The following ATG13 variants were observed in gnomAD, a reference collection of about 807,000 sequenced individuals.
ATG13 encodes the protein autophagy-related protein 13.
In ATG13, 23 loss-of-function variants were observed where a neutral mutation model predicts 65.5. The observed-to-expected ratio is 0.35, with a 90% CI of 0.25 to 0.50. The LOEUF (loss-of-function observed/expected upper bound fraction) is 0.50, where lower values mean the gene tolerates loss of function less well. Among genes scored for constraint, ATG13 ranks in the 20% least tolerant of loss-of-function variants. The probability of loss-of-function intolerance (pLI) is 0.98; values close to 1 mark genes in which losing one functional copy is unlikely to be tolerated. For missense variants in ATG13, 566 were observed against 677.0 expected, an observed-to-expected ratio of 0.84 and a Z score of 1.82; for synonymous variants, 252 against 245.2, an observed-to-expected ratio of 1.03 and a Z score of -0.26.
At chr11:46,657,043 G>C in intron 8 of ATG13, 52 bp from the exon 9 acceptor site, 1 of 1,425,138 alleles carries the variant, frequency 7.0e-7, no homozygotes, top group Non-Finnish European at 9.9e-7. Context: ...CGGTCTGGGG[G>C]CAGTGTCAGT....
chr11:46,646,070 A>G (rs890582829), intron 5 of ATG13, 81 bp downstream of exon 5: 51 of 1,544,198 alleles, frequency 3.3e-5, no homozygotes, highest in Non-Finnish European at 4.4e-5. Flanking sequence ...TCTCAGTCTT[A>G]TTCCTGCCCC....
intron 2 of ATG13, among the ~76,000 whole-genome samples, chr11:46,637,498 G>A (rs141529677): frequency 2.0e-5 from 3 of 152,100 alleles, no homozygotes; most frequent in East Asian, 1.9e-4. Flanking sequence ...CAAGCCTCCC[G>A]AGCAGCTGGG....
At chr11:46,646,527 G>A (rs985582103) in intron 5 of ATG13, among the ~76,000 whole-genome samples, 20 of 151,078 alleles carry the variant, frequency 1.3e-4, no homozygotes, top group African/African-American at 4.9e-4. Context: ...ACAGTGGCAC[G>A]ATCTTGACTC....
chr11:46,627,250 G>T (rs1467363037), intron 1 of ATG13, among the ~76,000 whole-genome samples: 1 of 152,060 alleles, frequency 6.6e-6, no homozygotes, highest in Non-Finnish European at 1.5e-5. Context: ...ATGATGGCAG[G>T]TGCCTGTAAT....
At chr11:46,658,753 C>T (rs772229193) in intron 10 of ATG13, among the ~76,000 whole-genome samples, 48 of 152,048 alleles carry the variant, frequency 3.2e-4, no homozygotes, top group Admixed American at 6.6e-5. Context: ...TCAGGCTGGT[C>T]TCAAGCTCCT....
chr11:46,671,506 G>C (rs972447844), intron 18 of ATG13, among the ~76,000 whole-genome samples: 7 of 152,186 alleles, frequency 4.6e-5, no homozygotes, highest in Non-Finnish European at 1.0e-4. Flanking sequence ...GGGAGGCCGA[G>C]GCGGGTGGAT....
chr11:46,659,374 TCTTTCTTTTCA>T lies in ATG13; in HGVS notation c.696-13_696-3del. ...TGCCACCACCATAAAATTCATTATT[TCTTTCTTTTCA>T]CTTTAGAACTGCTGGTGAGGACACT... On this transcript the variant is annotated splice_polypyrimidine_tract_variant and splice_region_variant and intron_variant, in intron 10 of 18. Coordinates refer to ENST00000683050, the MANE Select transcript of ATG13 (RefSeq NM_001346311.2). 1 of 1,590,204 alleles carries T rather than the reference TCTTTCTTTTCA, an allele frequency of 6.3e-7. No individual in the cohort carries two copies. Among genetic ancestry groups the T allele is most frequent in the East Asian group, 2.2e-5 (1 of 44,728 alleles).
chr11:46,647,680 T>C (rs1360775459), intron 5 of ATG13, among the ~76,000 whole-genome samples: 2 of 150,874 alleles, frequency 1.3e-5, no homozygotes, highest in African/African-American at 4.9e-5. Context: ...CAGGGGATCC[T>C]CCCACCTCAG....
rs1215268088 is a variant in ATG13, at chr11:46,617,776, G to C, written c.-184G>C. 6 of 398,914 alleles carry C rather than the reference G, an allele frequency of 1.5e-5. No homozygotes were observed. Among genetic ancestry groups the C allele is most frequent in the Admixed American group, 1.3e-4 (3 of 22,706 alleles). The allele number at this position is 398,914 out of a possible 1,614,324, so 24.7% of individuals were successfully genotyped here. On this transcript the variant is annotated 5_prime_UTR_variant, in exon 1 of 19. Coordinates refer to ENST00000683050, the MANE Select transcript of ATG13 (RefSeq NM_001346311.2). The stretch of plus-strand genomic sequence containing the variant: ...TTAGGTGTCTATCGGCGACGTGTAC[G>C]GTCACTGCAGCTCCGGAGCGCGGAA...
intron 14 of ATG13, among the ~76,000 whole-genome samples, chr11:46,667,080 C>CA (rs1232826613): frequency 6.6e-6 from 1 of 152,196 alleles, no homozygotes; most frequent in Non-Finnish European, 1.5e-5. Flanking sequence ...TAGCTAAAGA[C>CA]AGAGGCCCCT....
In ATG13 at chr11:46,672,860, T is replaced by C; in HGVS notation, c.*528T>C. The C allele has an allele frequency of 8.7e-7, 1 of 1,146,114 alleles. No homozygotes were observed. Among genetic ancestry groups the C allele is most frequent in the Non-Finnish European group, 1.1e-6 (1 of 890,010 alleles). The allele number at this position is 1,146,114 out of a possible 1,614,324, so 71.0% of individuals were successfully genotyped here. ...TTTACTTCCTGCTATCTTCTTCTCC[T>C]CTTCTTCTCTCTCTTGCCTCTATGC... is the stretch of plus-strand genomic sequence containing the variant. On this transcript the variant is annotated 3_prime_UTR_variant, in exon 19 of 19. Coordinates refer to ENST00000683050, the MANE Select transcript of ATG13 (RefSeq NM_001346311.2).
At chr11:46,668,663 C>T in intron 16 of ATG13, 87 bp downstream of exon 16, 1 of 1,522,982 alleles carries the variant, frequency 6.6e-7, no homozygotes, top group Non-Finnish European at 9.1e-7. Flanking sequence ...CCCCCACAGA[C>T]TATAAACCAT....
intron 1 of ATG13, among the ~76,000 whole-genome samples, chr11:46,626,493 G>A (rs61884266): frequency 2.0e-4 from 30 of 151,772 alleles, no homozygotes; most frequent in Non-Finnish European, 3.4e-4. Context: ...CAGGTGATCC[G>A]TCCGCCTCCG....
At chr11:46,644,185 C>CCTAGG (rs1382410962) in intron 2 of ATG13, 94 bp from the exon 3 acceptor site, 1 of 947,496 alleles carries the variant, frequency 1.1e-6, no homozygotes, top group Non-Finnish European at 1.5e-6. Context: ...CATGATTATT[C>CCTAGG]CTAGGCTAGT....
At chr11:46,661,230 T>C (rs1305719519) in intron 11 of ATG13, among the ~76,000 whole-genome samples, 1 of 152,050 alleles carries the variant, frequency 6.6e-6, no homozygotes, top group Non-Finnish European at 1.5e-5. Context: ...ATTAAAGTCA[T>C]AGTTCTGCCG....
chr11:46,642,864 C>T (rs570642363), intron 2 of ATG13, among the ~76,000 whole-genome samples: 27 of 152,310 alleles, frequency 1.8e-4, no homozygotes, highest in South Asian at 1.2e-3. Flanking sequence ...GGCTTCTAGA[C>T]GCTGATTGTA....
rs1339973128 is a variant in ATG13 at position 46,673,143 on chromosome 11, A to G, written c.*811A>G. On this transcript the variant is annotated 3_prime_UTR_variant, in exon 19 of 19. Transcript: ENST00000683050. ...TGGTAAATATTTATTACTTTCAGAG[A>G]AACCAGATATTTTATAGAGGAAATA... is the stretch of plus-strand genomic sequence containing the variant. The G allele has an allele frequency of 6.3e-6, 1 of 158,142 alleles. No homozygotes were observed. Among genetic ancestry groups the G allele is most frequent in the Non-Finnish European group, 1.4e-5 (1 of 71,124 alleles). 9.8% of individuals were successfully genotyped at this position (158,142 alleles called of 1,614,324 possible).
chr11:46,658,776 T>A (rs1592095539), intron 10 of ATG13, among the ~76,000 whole-genome samples: 1 of 152,052 alleles, frequency 6.6e-6, no homozygotes, highest in South Asian at 2.1e-4. Context: ...CCTCAGATGA[T>A]CCGCCTGCTT....
Position 46,665,420 on chromosome 11 carries a change from C to T in ATG13, c.1037C>T (p.Ala346Val), listed in dbSNP as rs751499227. 1.2e-6 allele frequency: 2 copies of T among 1,614,204 alleles called. No homozygotes were observed. The highest frequency in any genetic ancestry group is 1.7e-6 in the Non-Finnish European group (2 of 1,180,028). The stretch of plus-strand genomic sequence containing the variant: ...GGGAAGGAAGGTGGGGTACCCCTTG[C>T]TCCCAACCAGCCTGTCCATGGTACC... ...VPGKEGGVPL[A>V]PNQPVHGTQA... The change falls in exon 14 of 19, where the codon GCT becomes GTT. Residue 346 changes from alanine to valine, a missense_variant. By Grantham distance (64) the Ala-to-Val change is moderately conservative. Transcript: ENST00000683050.
Sources: gnomAD v4.1 joint callset for allele counts (sites outside exome capture counted in the v4.1 genomes callset) on GRCh38, gnomAD v4.1.1 for gene constraint, MANE v1.5 for transcripts, NCBI Gene and HGNC (gene_info 2026-07-23, HGNC 2026-07-21) for gene names.